Variants in STPG2 observed in about 807,000 individuals in gnomAD.
STPG2 encodes the protein sperm tail PG-rich repeat containing 2.
STPG2 carries 56 observed loss-of-function variants against 54.2 expected under a neutral mutation model. The ratio of observed to expected loss-of-function variants is 1.03; its 90% CI spans 0.83 to 1.29. The LOEUF (loss-of-function observed/expected upper bound fraction) is 1.29. Ranked by LOEUF, STPG2 falls within the 50% of genes most tolerant of loss-of-function variation. The probability of loss-of-function intolerance (pLI) is 0.00; values close to 1 mark genes in which losing one functional copy is unlikely to be tolerated. For missense variants in STPG2, 596 were observed against 544.9 expected (o/e 1.09, Z -0.93); for synonymous variants, 200 against 181.8 (o/e 1.10, Z -0.81).
chr4:97,968,395 C>T (rs1411311622), intron 7 of STPG2, among the ~76,000 whole-genome samples: 1 of 152,054 alleles, frequency 6.6e-6, no homozygotes, highest in Non-Finnish European at 1.5e-5. Flanking sequence ...CTGAAACTTC[C>T]AATCAATAGA....
At chr4:97,648,288 G>A (rs535715161) in intron 10 of STPG2, among the ~76,000 whole-genome samples, 4 of 152,240 alleles carry the variant, frequency 2.6e-5, no homozygotes, top group Admixed American at 6.5e-5. Flanking sequence ...TCCCTCAGTC[G>A]TGGGCTAGTA....
intron 10 of STPG2, among the ~76,000 whole-genome samples, chr4:97,571,138 A>G (rs1255675554): frequency 6.6e-6 from 1 of 152,050 alleles, no homozygotes; most frequent in East Asian, 1.9e-4. Flanking sequence ...TTATTTTTAA[A>G]TTTTTATTTC....
At chr4:97,807,980 A>G (rs1727622814) in intron 9 of STPG2, among the ~76,000 whole-genome samples, 1 of 151,956 alleles carries the variant, frequency 6.6e-6, no homozygotes, top group African/African-American at 2.4e-5. Flanking sequence ...CACAGAAACA[A>G]TGGAAGCCAA....
chr4:97,819,665 T>A (rs1728021789), intron 9 of STPG2, among the ~76,000 whole-genome samples: 2 of 152,118 alleles, frequency 1.3e-5, no homozygotes, highest in African/African-American at 4.8e-5. Context: ...TTTTTCTTCA[T>A]TTATTTAAAA....
chr4:97,656,138 T>C (rs867246393), intron 10 of STPG2, among the ~76,000 whole-genome samples: 1 of 152,142 alleles, frequency 6.6e-6, no homozygotes, highest in Non-Finnish European at 1.5e-5. Context: ...AGGCCTTGAA[T>C]TTCTCAAGTC....
chr4:97,957,101 AAATATACAT>A (rs1733700555), intron 7 of STPG2, among the ~76,000 whole-genome samples: 2 of 141,248 alleles, frequency 1.4e-5, no homozygotes, highest in Admixed American at 7.1e-5. Flanking sequence ...TACATAGGTG[AAATATACAT>A]GTGAAATATA....
At chr4:97,686,296 C>G (rs1265861999) in intron 10 of STPG2, among the ~76,000 whole-genome samples, 1 of 151,330 alleles carries the variant, frequency 6.6e-6, no homozygotes. Flanking sequence ...ACTCAATTGT[C>G]TATTGATCCT....
chr4:97,897,950 T>C (rs1484463886), intron 8 of STPG2, among the ~76,000 whole-genome samples: 1 of 152,166 alleles, frequency 6.6e-6, no homozygotes, highest in African/African-American at 2.4e-5. Context: ...TGTAATTGCT[T>C]TCAGTATCTT....
chr4:97,972,226 C>T (rs1449863945), intron 7 of STPG2, 54 bp downstream of exon 7: 3 of 1,212,168 alleles, frequency 2.5e-6, no homozygotes, highest in Non-Finnish European at 3.4e-6. Flanking sequence ...TCAAGAGAAC[C>T]CTAAGAGCTT....
chr4:97,976,367 T>A (rs945149302), intron 6 of STPG2, among the ~76,000 whole-genome samples: 6 of 152,158 alleles, frequency 3.9e-5, no homozygotes, highest in Non-Finnish European at 5.9e-5. Flanking sequence ...AACATAGCAC[T>A]TTGCAGGTGA....
chr4:97,691,231 C>T (rs1723352543), intron 10 of STPG2, among the ~76,000 whole-genome samples: 1 of 152,112 alleles, frequency 6.6e-6, no homozygotes, highest in African/African-American at 2.4e-5. Flanking sequence ...TCCCATGGGA[C>T]AGTAAGTCAG....
chr4:97,910,453 T>A (rs1249965678), intron 8 of STPG2, among the ~76,000 whole-genome samples: 2 of 152,336 alleles, frequency 1.3e-5, no homozygotes, highest in East Asian at 3.9e-4. Context: ...TGTGGAATAC[T>A]GTCCATGTTT....
intron 7 of STPG2, among the ~76,000 whole-genome samples, chr4:97,954,575 G>T (rs1048468841): frequency 6.6e-6 from 1 of 152,162 alleles, no homozygotes; most frequent in Non-Finnish European, 1.5e-5. Flanking sequence ...GAACCTGATA[G>T]AAGGACCCTC....
chr4:97,481,455 G>A (rs1217463608), intron 4 of STPG2, among the ~76,000 whole-genome samples: 2 of 151,554 alleles, frequency 1.3e-5, no homozygotes, highest in Non-Finnish European at 1.5e-5. Flanking sequence ...TCAATTTGGA[G>A]AGAATTCACA....
At chr4:97,603,098 A>C (rs1054843601) in intron 10 of STPG2, among the ~76,000 whole-genome samples, 1 of 151,782 alleles carries the variant, frequency 6.6e-6, no homozygotes, top group African/African-American at 2.4e-5. Context: ...GAATATATAA[A>C]AACTTTTAAA....
At chr4:97,885,352 T>A (rs1268988834) in intron 8 of STPG2, among the ~76,000 whole-genome samples, 1 of 152,218 alleles carries the variant, frequency 6.6e-6, no homozygotes, top group Non-Finnish European at 1.5e-5. Context: ...CTGGGCATCA[T>A]GACATCCCCA....
intron 5 of STPG2, chr4:98,025,658 C>T: frequency 1.0e-6 from 1 of 962,376 alleles, no homozygotes; most frequent in East Asian, 2.4e-5. Flanking sequence ...GAAGGATGGC[C>T]TAACAAATTA....
intron 8 of STPG2, among the ~76,000 whole-genome samples, chr4:97,909,154 C>G (rs964851850): frequency 1.3e-5 from 2 of 151,058 alleles, no homozygotes; most frequent in African/African-American, 2.4e-5. Flanking sequence ...AAAGCATAAG[C>G]TAATCAGGAA....
chr4:98,000,736 T>C (rs1014840581), intron 5 of STPG2, among the ~76,000 whole-genome samples: 3 of 152,232 alleles, frequency 2.0e-5, no homozygotes, highest in Admixed American at 2.0e-4. Context: ...TTTGTATTAA[T>C]CAATAATACC....
Sources: allele counts gnomAD v4.1 joint callset (sites outside exome capture counted in the v4.1 genomes callset), GRCh38; gene constraint gnomAD v4.1.1; transcripts MANE v1.5; gene names NCBI Gene and HGNC (gene_info 2026-07-23, HGNC 2026-07-21).